Variants in KCNH7 observed in about 807,000 individuals in gnomAD.
The protein encoded by KCNH7 is potassium voltage-gated channel subfamily H member 7.
In KCNH7, 49 loss-of-function variants were observed where a neutral mutation model predicts 120.8. That is an observed-to-expected ratio of 0.41 (90% CI 0.32 to 0.51). KCNH7 has a LOEUF of 0.51. KCNH7 is among the 20% of genes least tolerant of loss of function. The pLI is 0.38. For synonymous variants in KCNH7, 547 were observed against 516.1 expected (o/e 1.06, Z -0.81); for missense variants, 1,097 against 1,446.6 (o/e 0.76, Z 3.92).
intron 2 of KCNH7, among the ~76,000 whole-genome samples, chr2:162,799,969 C>CAT (rs1252703746): frequency 6.6e-6 from 1 of 151,418 alleles, no homozygotes; most frequent in Non-Finnish European, 1.5e-5. Context: ...CACACACACA[C>CAT]ACACAGAGCT....
intron 13 of KCNH7, among the ~76,000 whole-genome samples, 168 bp downstream of exon 13, chr2:162,384,520 T>C (rs1021729746): frequency 1.3e-4 from 19 of 151,990 alleles, no homozygotes; most frequent in African/African-American, 4.6e-4. Context: ...TGTTTTAGAA[T>C]AGTGCAAACA....
intron 6 of KCNH7, among the ~76,000 whole-genome samples, chr2:162,483,359 A>T (rs1204332394): frequency 6.6e-6 from 1 of 152,146 alleles, no homozygotes; most frequent in Non-Finnish European, 1.5e-5. Context: ...TATTTCCTCC[A>T]TCCACGGGAC....
intron 2 of KCNH7, among the ~76,000 whole-genome samples, chr2:162,737,140 C>T (rs1472643658): frequency 6.6e-6 from 1 of 152,114 alleles, no homozygotes; most frequent in Non-Finnish European, 1.5e-5. Flanking sequence ...AGCCCATTTC[C>T]ACCTGCTTAC....
chr2:162,667,571 T>C (rs1345870945), intron 2 of KCNH7, among the ~76,000 whole-genome samples: 1 of 152,240 alleles, frequency 6.6e-6, no homozygotes, highest in Non-Finnish European at 1.5e-5. Context: ...CAAACTAATA[T>C]GTATCTCAGA....
intron 2 of KCNH7, among the ~76,000 whole-genome samples, chr2:162,727,821 C>A (rs1300607413): frequency 3.3e-5 from 5 of 151,986 alleles, no homozygotes; most frequent in Admixed American, 6.6e-5. Context: ...TATGTTGAAA[C>A]CAAGATCTAT....
intron 2 of KCNH7, among the ~76,000 whole-genome samples, chr2:162,582,716 G>GACAACAAAACTGTTCAA (rs1304553067): frequency 2.6e-5 from 4 of 152,030 alleles, no homozygotes; most frequent in Non-Finnish European, 4.4e-5. Context: ...CATTTCAAGT[G>GACAACAAAACTGTTCAA]ACAACAAAAC....
chr2:162,634,303 T>C (rs763832568), intron 2 of KCNH7, among the ~76,000 whole-genome samples: 1 of 152,038 alleles, frequency 6.6e-6, no homozygotes, highest in Non-Finnish European at 1.5e-5. Context: ...TTTCTTTGTA[T>C]AGGTAACACA....
At chr2:162,402,383 C>T (rs2105448277) in intron 9 of KCNH7, among the ~76,000 whole-genome samples, 1 of 147,130 alleles carries the variant, frequency 6.8e-6, no homozygotes, top group Non-Finnish European at 1.5e-5. Flanking sequence ...AAATGCTGGC[C>T]ACTTTGCTTG....
At chr2:162,488,778 C>T (rs1040542393) in intron 6 of KCNH7, among the ~76,000 whole-genome samples, 5 of 152,158 alleles carry the variant, frequency 3.3e-5, no homozygotes, top group African/African-American at 1.2e-4. Flanking sequence ...TATACTGTTG[C>T]CAGTAATTCT....
intron 2 of KCNH7, among the ~76,000 whole-genome samples, chr2:162,610,152 A>T (rs762582493): frequency 2.6e-5 from 4 of 152,226 alleles, no homozygotes; most frequent in Non-Finnish European, 4.4e-5. Flanking sequence ...AATGTGGTAT[A>T]TTCATTCAAC....
chr2:162,403,000 T>A (rs1201789282), intron 9 of KCNH7, among the ~76,000 whole-genome samples: 1 of 151,954 alleles, frequency 6.6e-6, no homozygotes, highest in Non-Finnish European at 1.5e-5. Flanking sequence ...ACTTAACTTC[T>A]CTGAAAATCA....
At chr2:162,664,983 T>C (rs1685086755) in intron 2 of KCNH7, among the ~76,000 whole-genome samples, 1 of 152,174 alleles carries the variant, frequency 6.6e-6, no homozygotes, top group South Asian at 2.1e-4. Flanking sequence ...ATATTTTGAA[T>C]ATCACTCTTG....
In KCNH7 at chr2:162,655,665, C is replaced by T. The variant is rs541602026; in HGVS notation, c.308-118585G>A. 6.6e-5 allele frequency among the ~76,000 whole-genome samples: 10 copies of T among 152,078 alleles called. No individual in the cohort carries two copies. The South Asian group carries it at 8.3e-4, about 13-fold the overall frequency. On this transcript the variant is annotated intron_variant, in intron 2 of 15. Coordinates refer to ENST00000332142, the MANE Select transcript of KCNH7 (RefSeq NM_033272.4). ...AAAATTAGCTGGGCGTGGTGGCGCG[C>T]GCTTGTAGTCCCAGCTACTTCGGAG...
intron 2 of KCNH7, among the ~76,000 whole-genome samples, chr2:162,710,275 A>G (rs577140657): frequency 6.6e-6 from 1 of 152,344 alleles, no homozygotes; most frequent in East Asian, 1.9e-4. Flanking sequence ...TGCCATAACA[A>G]TTTGAAACAA....
intron 2 of KCNH7, among the ~76,000 whole-genome samples, chr2:162,754,466 T>C (rs1340543340): frequency 6.6e-6 from 1 of 152,102 alleles, no homozygotes; most frequent in Admixed American, 6.6e-5. Flanking sequence ...AAGAAAATAG[T>C]TAAAATAATT....
At position 162,431,443 on chromosome 2, in the gene KCNH7, C is replaced by T. The variant is rs569413557; in HGVS notation, c.1954+3755G>A. On this transcript the variant is annotated intron_variant, in intron 8 of 15. Transcript: ENST00000332142. ...TAGATTTAACTGGGAATATCATGTG[C>T]ATATACACCTATATACATCAAAATG... Among the ~76,000 whole-genome samples, 45 of 152,030 alleles carry T rather than the reference C, an allele frequency of 3.0e-4. No individual in the cohort carries two copies. The South Asian group carries it at 4.3e-3, about 15-fold the overall frequency.
intron 2 of KCNH7, among the ~76,000 whole-genome samples, chr2:162,745,874 A>T (rs892933293): frequency 1.3e-5 from 2 of 152,026 alleles, no homozygotes; most frequent in African/African-American, 4.8e-5. Flanking sequence ...GATTTAAAGA[A>T]AAAAAAGTAT....
intron 2 of KCNH7, among the ~76,000 whole-genome samples, chr2:162,769,511 C>T (rs749344385): frequency 3.9e-5 from 6 of 152,004 alleles, no homozygotes; most frequent in Admixed American, 3.3e-4. Flanking sequence ...CTATTGCAAC[C>T]GGCTTATAAC....
chr2:162,800,616 A>G (rs1010266275), intron 2 of KCNH7, among the ~76,000 whole-genome samples: 7 of 151,906 alleles, frequency 4.6e-5, no homozygotes, highest in Non-Finnish European at 8.8e-5. Context: ...CATATGATGC[A>G]TGATTACTAA....
Sources: gnomAD v4.1 joint callset for allele counts (sites outside exome capture counted in the v4.1 genomes callset) on GRCh38, gnomAD v4.1.1 for gene constraint, MANE v1.5 for transcripts, NCBI Gene and HGNC (gene_info 2026-07-23, HGNC 2026-07-21) for gene names.